The following CCDC34 variants were observed in gnomAD, a reference collection of about 807,000 sequenced individuals.
CCDC34 encodes the protein coiled-coil domain-containing protein 34.
CCDC34 carries 40 observed loss-of-function variants against 44.1 expected under a neutral mutation model. The ratio of observed to expected loss-of-function variants is 0.91; its 90% confidence interval spans 0.70 to 1.18. The LOEUF is 1.18. CCDC34 is among the 50% of genes most tolerant of loss of function. The pLI is 0.00. For synonymous variants in CCDC34, 159 were observed against 158.2 expected (o/e 1.01, Z -0.04); for missense variants, 466 against 452.3 (o/e 1.03, Z -0.28).
chr11:27,350,307 T>G, intron 3 of CCDC34, 25 bp downstream of exon 3: 1 of 1,613,900 alleles, frequency 6.2e-7, no homozygotes, highest in Non-Finnish European at 8.5e-7. Flanking sequence ...GATGTCAATG[T>G]GTGTATCCAT....
chr11:27,356,118 A>G (rs1862573521), intron 2 of CCDC34, among the ~76,000 whole-genome samples: 1 of 144,272 alleles, frequency 6.9e-6, no homozygotes, highest in Admixed American at 7.5e-5. Context: ...TCCTGGGTTC[A>G]AGTGGTTCTC....
Position 27,357,552 on chromosome 11 carries a change from G to C in CCDC34, c.360-11C>G. The C allele has an allele frequency of 6.2e-7, 1 of 1,613,188 alleles. No individual in the cohort carries two copies. The highest frequency in any genetic ancestry group is 8.5e-7 in the Non-Finnish European group (1 of 1,179,452). On this transcript the variant is annotated splice_polypyrimidine_tract_variant and intron_variant, in intron 1 of 5. Coordinates refer to ENST00000328697, the MANE Select transcript of CCDC34 (RefSeq NM_030771.2). The stretch of plus-strand genomic sequence containing the variant: ...GATTCAACCTGAGTGCTACAAAAGA[G>C]AGGCTACTATAGTACTTGTACAAGA...
At chr11:27,354,310 A>C (rs1231292202) in intron 2 of CCDC34, among the ~76,000 whole-genome samples, 2 of 152,232 alleles carry the variant, frequency 1.3e-5, no homozygotes, top group Non-Finnish European at 2.9e-5. Context: ...CATGCTTATC[A>C]TTGTGATAGG....
In CCDC34 at chr11:27,340,685, T is replaced by C. The variant is rs1862342484; in HGVS notation, c.907+11A>G. 5 of 1,604,778 alleles carry C rather than the reference T, an allele frequency of 3.1e-6. No individual in the cohort carries two copies. Among genetic ancestry groups the C allele is most frequent in the Non-Finnish European group, 4.2e-6 (5 of 1,176,598 alleles). ...CCATATTTATGTAAGCCACACAACA[T>C]AAAAACCAACCTGTAAGTTTTCCAT... On this transcript the variant is annotated intron_variant, in intron 5 of 5. Transcript: ENST00000328697.
chr11:27,355,518 T>A (rs1862562180), intron 2 of CCDC34, among the ~76,000 whole-genome samples: 1 of 152,176 alleles, frequency 6.6e-6, no homozygotes, highest in Admixed American at 6.5e-5. Flanking sequence ...TTAAGAAGAC[T>A]ATGAATAGTA....
intron 2 of CCDC34, among the ~76,000 whole-genome samples, chr11:27,356,901 T>G (rs1264261155): frequency 8.5e-4 from 8 of 9,454 alleles, no homozygotes; most frequent in African/African-American, 8.6e-4. Context: ...TGGGGTGGGG[T>G]GGGGTTGGGG....
chr11:27,350,484 C>A (rs755708578), intron 2 of CCDC34, 45 bp from the exon 3 acceptor site: 1 of 1,504,952 alleles, frequency 6.6e-7, no homozygotes, highest in East Asian at 2.4e-5. Context: ...ATAGAAGTAC[C>A]CAAATAACAT....
intron 2 of CCDC34, among the ~76,000 whole-genome samples, chr11:27,351,745 G>A (rs1421966153): frequency 2.0e-5 from 3 of 152,172 alleles, no homozygotes; most frequent in African/African-American, 7.2e-5. Flanking sequence ...TCAGAGAAGG[G>A]AAGGGAAGAT....
chr11:27,359,577 C>T (rs1255468663), intron 1 of CCDC34, among the ~76,000 whole-genome samples: 4 of 152,034 alleles, frequency 2.6e-5, no homozygotes, highest in African/African-American at 9.7e-5. Context: ...CAAGCTCCGC[C>T]TCCCTGGTTC....
In CCDC34 at chr11:27,340,732, C is replaced by T. The variant is rs757596888; in HGVS notation, c.871G>A (p.Ala291Thr). 1.2e-6 allele frequency: 2 copies of T among 1,613,468 alleles called. No homozygotes were observed. Among genetic ancestry groups the T allele is most frequent in the Non-Finnish European group, 1.7e-6 (2 of 1,179,698 alleles). Residue 291 changes from alanine (A) to threonine (T), a missense_variant, in exon 5 of 6, where the codon GCA becomes ACA. Coordinates refer to ENST00000328697, the MANE Select transcript of CCDC34 (RefSeq NM_030771.2). ...CCATTGGCATAACCATAGCTCTTTG[C>T]AGCTGGACGAGGTTTATGTTTCGCA... ...ENAKHKPRPAAKSYGYANGKL... is the reference protein window; with the variant it reads ...ENAKHKPRPATKSYGYANGKL...
At chr11:27,347,202 T>A (rs1464239151) in intron 3 of CCDC34, among the ~76,000 whole-genome samples, 1 of 152,222 alleles carries the variant, frequency 6.6e-6, no homozygotes, top group African/African-American at 2.4e-5. Context: ...TGAAAAAGAT[T>A]GGCCATACCA....
At chr11:27,340,955 A>G (rs1862349011) in intron 4 of CCDC34, 118 bp from the exon 5 acceptor site, 13 of 781,432 alleles carry the variant, frequency 1.7e-5, no homozygotes, top group Non-Finnish European at 2.6e-5. Context: ...ACTGGCCATA[A>G]TACTGAATCA....
intron 3 of CCDC34, 109 bp from the exon 4 acceptor site, chr11:27,341,659 G>T: frequency 3.8e-6 from 2 of 527,664 alleles, no homozygotes; most frequent in Non-Finnish European, 6.3e-6. Context: ...TTTAAAAATA[G>T]ACATGATATC....
chr11:27,360,792 T>TA (rs749492876), intron 1 of CCDC34, among the ~76,000 whole-genome samples: 1 of 152,220 alleles, frequency 6.6e-6, no homozygotes, highest in Non-Finnish European at 1.5e-5. Context: ...TAGGTTGTAG[T>TA]AAACAGGTCA....
chr11:27,354,934 T>C (rs866938073), intron 2 of CCDC34, among the ~76,000 whole-genome samples: 1 of 152,178 alleles, frequency 6.6e-6, no homozygotes, highest in Admixed American at 6.5e-5. Flanking sequence ...GGCTTATAGA[T>C]GAAGAAACTG....
Position 27,338,880 on chromosome 11 carries a change from C to A in CCDC34, c.1063G>T (p.Val355Leu). The change falls in exon 6 of 6, where the codon GTA (valine) becomes TTA (leucine). Residue 355 changes from valine to leucine, a missense_variant. Val to Leu is a conservative substitution (Grantham distance 32, BLOSUM62 1). Coordinates refer to ENST00000328697, the MANE Select transcript of CCDC34 (RefSeq NM_030771.2). ...AGATTGCTCCTGGCTTTATGAATTA[C>A]CAGAGATGATGACTTGTGTGGCTGA... is the stretch of plus-strand genomic sequence containing the variant. ...ISQPHKSSSL[V>L]IHKARSNLCL... 6.2e-7 allele frequency: 1 copy of A among 1,613,812 alleles called. No homozygotes were observed. Among genetic ancestry groups the A allele is most frequent in the Middle Eastern group, 1.7e-4 (1 of 6,058 alleles).
intron 1 of CCDC34, 131 bp downstream of exon 1, chr11:27,362,705 C>A: frequency 1.9e-6 from 2 of 1,041,112 alleles, no homozygotes; most frequent in Non-Finnish European, 2.8e-6. Flanking sequence ...CAAAAAAAAC[C>A]ACGGCACCTC....
chr11:27,345,234 A>G (rs1344227276), intron 3 of CCDC34, among the ~76,000 whole-genome samples: 1 of 152,220 alleles, frequency 6.6e-6, no homozygotes, highest in Non-Finnish European at 1.5e-5. Flanking sequence ...CTTCTGGAAG[A>G]AAACAGTGGA....
chr11:27,350,192 A>G lies in CCDC34; in HGVS notation c.606+140T>C. 2.6e-6 allele frequency: 4 copies of G among 1,566,220 alleles called. No homozygotes were observed. The South Asian group carries it at 5.0e-5, about 19-fold the overall frequency. ...GAAGATAGAGACTTGATAAATGTCC[A>G]CCAGGATAGAAAAACAAAACAAGCC... is the stretch of plus-strand genomic sequence containing the variant. On this transcript the variant is annotated intron_variant, in intron 3 of 5. Coordinates refer to ENST00000328697, the MANE Select transcript of CCDC34 (RefSeq NM_030771.2).
Sources: gnomAD v4.1 joint callset for allele counts (sites outside exome capture counted in the v4.1 genomes callset) on GRCh38, gnomAD v4.1.1 for gene constraint, MANE v1.5 for transcripts, NCBI Gene and HGNC (gene_info 2026-07-23, HGNC 2026-07-21) for gene names.